PDE4B: variants seen among roughly 807,000 people sequenced by gnomAD.
The protein encoded by PDE4B is 3',5'-cyclic-AMP phosphodiesterase 4B.
A neutral mutation model predicts 82.2 loss-of-function variants in PDE4B; 20 were observed. The observed-to-expected ratio is 0.24, with a 90% confidence interval of 0.17 to 0.35. PDE4B has a LOEUF of 0.35. Among genes scored for constraint, PDE4B ranks in the 10% least tolerant of loss-of-function variants. The pLI is 1.00. For synonymous variants in PDE4B, 320 were observed against 318.9 expected (o/e 1.00, Z -0.04); for missense variants, 655 against 907.2 (o/e 0.72, Z 3.57).
intron 9 of PDE4B, among the ~76,000 whole-genome samples, chr1:66,357,394 A>G (rs1199120171): frequency 6.6e-6 from 1 of 152,186 alleles, no homozygotes; most frequent in African/African-American, 2.4e-5. Context: ...AAGATGATTC[A>G]TTCCTCAGAG....
chr1:66,212,412 C>T (rs1274850318), intron 3 of PDE4B, among the ~76,000 whole-genome samples: 1 of 152,036 alleles, frequency 6.6e-6, no homozygotes, highest in African/African-American at 2.4e-5. Flanking sequence ...TCTGAAATGT[C>T]CCTCATCCCA....
At chr1:65,979,366 G>A (rs1650569888) in intron 3 of PDE4B, among the ~76,000 whole-genome samples, 1 of 152,182 alleles carries the variant, frequency 6.6e-6, no homozygotes, top group African/African-American at 2.4e-5. Context: ...TTATCTGAAA[G>A]AGCGAATCCT....
intron 3 of PDE4B, among the ~76,000 whole-genome samples, chr1:66,155,679 G>C (rs1251821731): frequency 6.6e-6 from 1 of 151,732 alleles, no homozygotes; most frequent in Admixed American, 6.6e-5. Context: ...AGAATGCCAA[G>C]ATTTGTGCTA....
At position 65,846,255 on chromosome 1, in the gene PDE4B, G is replaced by A. The variant is rs1322125534; in HGVS notation, c.-71+53007G>A. Among the ~76,000 whole-genome samples, 3 of 152,190 alleles carry A rather than the reference G, an allele frequency of 2.0e-5. No homozygotes were observed. In the East Asian group the frequency reaches 5.8e-4, roughly 29 times the overall value. ...CCAGTGAGGAGAAAGCACAGAGAGA[G>A]GAGGGTGTGGTTTCTGTCCATGAGC... On this transcript the variant is annotated intron_variant, in intron 1 of 16. Coordinates refer to ENST00000341517, the MANE Select transcript of PDE4B (RefSeq NM_002600.4).
intron 3 of PDE4B, among the ~76,000 whole-genome samples, chr1:66,003,811 C>T (rs1302189869): frequency 2.0e-5 from 3 of 152,126 alleles, no homozygotes; most frequent in Non-Finnish European, 4.4e-5. Context: ...TCCTAACTGC[C>T]CAAGACTTCC....
chr1:66,264,490 C>T (rs560405421), intron 6 of PDE4B, among the ~76,000 whole-genome samples: 19 of 152,246 alleles, frequency 1.2e-4, no homozygotes, highest in African/African-American at 4.3e-4. Flanking sequence ...ATAATACTCC[C>T]AGTGGAAGCT....
At chr1:66,332,223 C>G in intron 7 of PDE4B, 2 of 1,442,904 alleles carry the variant, frequency 1.4e-6, no homozygotes, top group South Asian at 3.0e-5. Context: ...TATAAGAGAC[C>G]GTTCCCTCCG....
chr1:66,169,378 C>T (rs972489266), intron 3 of PDE4B, among the ~76,000 whole-genome samples: 2 of 152,134 alleles, frequency 1.3e-5, no homozygotes, highest in Non-Finnish European at 2.9e-5. Context: ...GGAGTTGGCA[C>T]CAAATCTGAA....
intron 3 of PDE4B, among the ~76,000 whole-genome samples, chr1:66,033,277 G>T (rs1199095051): frequency 6.6e-6 from 1 of 152,150 alleles, no homozygotes; most frequent in Admixed American, 6.5e-5. Context: ...CAGGTGAGAA[G>T]TCTGGGAGAA....
At chr1:66,014,087 A>AT (rs71058444) in intron 3 of PDE4B, among the ~76,000 whole-genome samples, 149,362 of 152,260 alleles carry the variant, frequency 0.98, 73,314 homozygotes, top group Middle Eastern at 1. Flanking sequence ...TTGGCCATTT[A>AT]GTATCTTCTC....
intron 1 of PDE4B, among the ~76,000 whole-genome samples, chr1:65,895,764 C>T (rs1383257800): frequency 6.6e-6 from 1 of 151,054 alleles, no homozygotes; most frequent in African/African-American, 2.4e-5. Context: ...CATTAAAAAT[C>T]ATGACCAGAT....
At chr1:66,158,477 A>T (rs1646545545) in intron 3 of PDE4B, among the ~76,000 whole-genome samples, 1 of 152,186 alleles carries the variant, frequency 6.6e-6, no homozygotes, top group African/African-American at 2.4e-5. Flanking sequence ...GAGAAAGGGG[A>T]ACTCATATAC....
chr1:65,979,302 C>T (rs1650567069), intron 3 of PDE4B, among the ~76,000 whole-genome samples: 1 of 152,282 alleles, frequency 6.6e-6, no homozygotes, highest in East Asian at 1.9e-4. Context: ...CTGCCTTTGG[C>T]GGAGCTCCTG....
intron 3 of PDE4B, among the ~76,000 whole-genome samples, chr1:66,055,813 A>C (rs1423252993): frequency 1.3e-5 from 2 of 152,182 alleles, no homozygotes; most frequent in Non-Finnish European, 2.9e-5. Flanking sequence ...ACTCTGAAAA[A>C]ATTTTTCATT....
chr1:65,933,763 G>T (rs182336226), intron 3 of PDE4B, among the ~76,000 whole-genome samples: 1 of 151,976 alleles, frequency 6.6e-6, no homozygotes, highest in Non-Finnish European at 1.5e-5. Flanking sequence ...TGACACAAAC[G>T]GTAACATGAT....
chr1:65,802,280 T>C (rs990398782), intron 1 of PDE4B, among the ~76,000 whole-genome samples: 1 of 152,134 alleles, frequency 6.6e-6, no homozygotes, highest in African/African-American at 2.4e-5. Context: ...GTAATTAGTG[T>C]CTCCTGGTTG....
At chr1:65,892,995 A>G (rs1425471906) in intron 1 of PDE4B, among the ~76,000 whole-genome samples, 1 of 152,188 alleles carries the variant, frequency 6.6e-6, no homozygotes, top group Non-Finnish European at 1.5e-5. Context: ...AAGCTTGAAA[A>G]TAAAATTCAA....
chr1:66,264,857 A>C (rs1654922492), intron 6 of PDE4B, among the ~76,000 whole-genome samples: 2 of 152,236 alleles, frequency 1.3e-5, no homozygotes. Context: ...CCTGTGCAAG[A>C]GAATGCAAAA....
At chr1:66,291,102 T>C (rs1163731532) in intron 7 of PDE4B, among the ~76,000 whole-genome samples, 1 of 152,158 alleles carries the variant, frequency 6.6e-6, no homozygotes, top group African/African-American at 2.4e-5. Flanking sequence ...AAGCTTTAGG[T>C]TGACAACAAA....
Sources: allele counts gnomAD v4.1 joint callset (sites outside exome capture counted in the v4.1 genomes callset), GRCh38; gene constraint gnomAD v4.1.1; transcripts MANE v1.5; gene names NCBI Gene and HGNC (gene_info 2026-07-23, HGNC 2026-07-21).